Variants in PALM2AKAP2 observed in about 807,000 individuals in gnomAD.
The protein encoded by PALM2AKAP2 is PALM2-AKAP2 fusion protein.
Under a neutral mutation model 71.5 loss-of-function variants are expected in PALM2AKAP2, and 37 were observed. The observed-to-expected ratio is 0.52, with a 90% CI of 0.40 to 0.68. The LOEUF (loss-of-function observed/expected upper bound fraction) is 0.68. PALM2AKAP2 is among the 30% of genes least tolerant of loss of function. The probability of loss-of-function intolerance (pLI) is 0.00; values close to 1 mark genes in which losing one functional copy is unlikely to be tolerated. For missense variants in PALM2AKAP2, 1,224 were observed against 1,191.8 expected (o/e 1.03, Z -0.40); for synonymous variants, 468 against 478.8 (o/e 0.98, Z 0.29).
chr9:109,954,937 G>C (rs572970034), intron 6 of PALM2AKAP2, among the ~76,000 whole-genome samples: 1 of 152,262 alleles, frequency 6.6e-6, no homozygotes, highest in East Asian at 1.9e-4. Context: ...TGGAGCTGAT[G>C]GTGGTTGCTA....
At chr9:109,753,157 C>T (rs188441539) in intron 1 of PALM2AKAP2, among the ~76,000 whole-genome samples, 140 of 152,244 alleles carry the variant, frequency 9.2e-4, no homozygotes, top group African/African-American at 3.2e-3. Flanking sequence ...AGCCCATGTT[C>T]ATTTTACCAT....
intron 7 of PALM2AKAP2, chr9:110,025,388 C>T (rs1161695211): frequency 7.3e-5 from 60 of 827,566 alleles, no homozygotes; most frequent in East Asian, 1.2e-4. Flanking sequence ...ATGGAGGTTC[C>T]GCCCGAAAGG....
At chr9:109,826,951 TA>T (rs1475930287) in intron 1 of PALM2AKAP2, among the ~76,000 whole-genome samples, 1 of 152,112 alleles carries the variant, frequency 6.6e-6, no homozygotes, top group East Asian at 1.9e-4. Flanking sequence ...TGAAATGAGA[TA>T]AAAATATAAG....
At chr9:110,075,747 T>A (rs1274865211) in intron 1 of PALM2AKAP2, among the ~76,000 whole-genome samples, 1 of 152,130 alleles carries the variant, frequency 6.6e-6, no homozygotes, top group Non-Finnish European at 1.5e-5. Flanking sequence ...TTTTACCTTT[T>A]TATTTTAAAA....
At chr9:109,957,653 A>G (rs1177919895) in intron 6 of PALM2AKAP2, among the ~76,000 whole-genome samples, 3 of 152,224 alleles carry the variant, frequency 2.0e-5, no homozygotes, top group African/African-American at 7.2e-5. Context: ...TAAGAAGCCT[A>G]TTAATTCTCC....
chr9:110,167,342 C>T (rs1230415320), intron 3 of PALM2AKAP2, among the ~76,000 whole-genome samples: 1 of 152,212 alleles, frequency 6.6e-6, no homozygotes, highest in Non-Finnish European at 1.5e-5. Context: ...GACTTTTCTT[C>T]AAAATCAGAA....
intron 1 of PALM2AKAP2, among the ~76,000 whole-genome samples, chr9:109,695,427 C>G (rs540831055): frequency 4.4e-4 from 67 of 152,226 alleles, no homozygotes; most frequent in South Asian, 1.0e-3. Context: ...ACCATATAAG[C>G]ATGCTCCTTT....
chr9:110,077,503 A>T (rs1351814478), intron 1 of PALM2AKAP2, among the ~76,000 whole-genome samples: 1 of 152,230 alleles, frequency 6.6e-6, no homozygotes, highest in Non-Finnish European at 1.5e-5. Flanking sequence ...TGTGTCAGGT[A>T]AACGGTGAGG....
intron 6 of PALM2AKAP2, among the ~76,000 whole-genome samples, chr9:109,956,202 G>A (rs755146306): frequency 5.9e-5 from 9 of 151,730 alleles, no homozygotes; most frequent in Non-Finnish European, 2.9e-5. Context: ...ATGGGGTTTC[G>A]CTATGTTGGC....
chr9:110,009,622 G>A (rs1413393218), intron 6 of PALM2AKAP2, among the ~76,000 whole-genome samples: 1 of 151,168 alleles, frequency 6.6e-6, no homozygotes, highest in Non-Finnish European at 1.5e-5. Flanking sequence ...GCTGAGGCAG[G>A]AGAATGGTGT....
At chr9:109,920,686 A>G (rs921108365) in intron 3 of PALM2AKAP2, among the ~76,000 whole-genome samples, 9 of 152,054 alleles carry the variant, frequency 5.9e-5, no homozygotes, top group African/African-American at 1.9e-4. Flanking sequence ...GCCCAAGAAT[A>G]ATATAATCTA....
Position 110,136,984 on chromosome 9 carries a change from C to G in PALM2AKAP2, c.1014C>G (p.Thr338=), listed in dbSNP as rs776994786. The change falls in exon 2 of 4, where the codon ACC becomes ACG. Residue 338 remains threonine, a synonymous_variant. Transcript: ENST00000374525. Reference sequence around the variant, plus strand: ...GGTGGAATCCCCCGCAGGAAAAAACCATCGAGGAGCAGCTGGACGAGGAAC... The same window carrying G: ...GGTGGAATCCCCCGCAGGAAAAAACGATCGAGGAGCAGCTGGACGAGGAAC... 1.7e-5 allele frequency: 28 copies of G among 1,613,966 alleles called. No homozygotes were observed. The Admixed American group carries it at 4.5e-4, about 26-fold the overall frequency.
At chr9:109,641,690 G>A (rs1469544886) in intron 1 of PALM2AKAP2, among the ~76,000 whole-genome samples, 1 of 152,140 alleles carries the variant, frequency 6.6e-6, no homozygotes, top group Non-Finnish European at 1.5e-5. Flanking sequence ...TTTGGAGCCA[G>A]CTATTAGATC....
chr9:109,841,359 C>A lies in PALM2AKAP2; in HGVS notation c.46-26132C>A, dbSNP rs1236464039. Among the ~76,000 whole-genome samples the A allele has an allele frequency of 8.3e-5, 12 of 145,032 alleles. No homozygotes were observed. In the Admixed American group the frequency reaches 8.3e-4, roughly 10 times the overall value. On this transcript the variant is annotated intron_variant, in intron 1 of 9. Transcript: ENST00000302798. ...GGAAGGGGAACATCATACACTGGGGCCTGTTGTGGGGTGGGGGTAGGGGGG... is the reference window on the plus strand; with the variant it reads ...GGAAGGGGAACATCATACACTGGGGACTGTTGTGGGGTGGGGGTAGGGGGG...
intron 1 of PALM2AKAP2, among the ~76,000 whole-genome samples, chr9:109,744,800 G>T (rs1828774578): frequency 6.6e-6 from 1 of 152,160 alleles, no homozygotes; most frequent in South Asian, 2.1e-4. Context: ...ATGTGGAGCA[G>T]AAACCTCCTG....
intron 1 of PALM2AKAP2, among the ~76,000 whole-genome samples, chr9:109,850,367 A>T (rs1273640679): frequency 6.6e-6 from 1 of 152,068 alleles, no homozygotes; most frequent in Non-Finnish European, 1.5e-5. Context: ...AAACTTATTT[A>T]TCCTAGTTCA....
intron 1 of PALM2AKAP2, among the ~76,000 whole-genome samples, chr9:110,120,860 G>A (rs1391256898): frequency 2.0e-5 from 3 of 152,208 alleles, no homozygotes; most frequent in Non-Finnish European, 4.4e-5. Context: ...AACACTGAAA[G>A]ACTGCAGGAT....
At chr9:109,978,305 T>C (rs942280863) in intron 6 of PALM2AKAP2, among the ~76,000 whole-genome samples, 3 of 152,064 alleles carry the variant, frequency 2.0e-5, no homozygotes, top group Admixed American at 2.0e-4. Context: ...GCATAGCAAA[T>C]ATTTCATCTC....
intron 1 of PALM2AKAP2, among the ~76,000 whole-genome samples, chr9:109,851,209 C>CAAAA (rs56938333): frequency 1.4e-5 from 2 of 145,002 alleles, no homozygotes; most frequent in South Asian, 2.2e-4. Flanking sequence ...ACAACAACAA[C>CAAAA]AAAAAAAAAA....
Sources: allele counts gnomAD v4.1 joint callset (sites outside exome capture counted in the v4.1 genomes callset), GRCh38; gene constraint gnomAD v4.1.1; transcripts MANE v1.5; gene names NCBI Gene and HGNC (gene_info 2026-07-23, HGNC 2026-07-21).